KMT2E: variants seen among roughly 807,000 people sequenced by gnomAD.
The protein encoded by KMT2E is histone reader KMT2E.
In KMT2E, 30 loss-of-function variants were observed where a neutral mutation model predicts 184.6. That is an observed-to-expected ratio of 0.16 (90% CI 0.12 to 0.22). The LOEUF (loss-of-function observed/expected upper bound fraction) is 0.22, where lower values mean the gene tolerates loss of function less well. KMT2E is among the 10% of genes least tolerant of loss of function. The probability of loss-of-function intolerance (pLI) is 1.00; values close to 1 mark genes in which losing one functional copy is unlikely to be tolerated. For synonymous variants in KMT2E, 815 were observed against 776.5 expected (o/e 1.05, Z -0.82); for missense variants, 2,023 against 2,237.4 (o/e 0.90, Z 1.93).
rs542226816 is a variant in KMT2E, at chr7:105,052,661, C to T, written c.72-9503C>T. ...GCAACTTCTGCATCCTGGGTTCAAG[C>T]GATTCTCCTGCCTCAGCCTCCCAAG... On this transcript the variant is annotated intron_variant, in intron 3 of 26. Transcript: ENST00000311117. 1.8e-4 allele frequency among the ~76,000 whole-genome samples: 28 copies of T among 152,126 alleles called. No homozygotes were observed. The South Asian group carries it at 5.4e-3, about 29-fold the overall frequency.
At chr7:105,017,391 T>C (rs905294513) in intron 1 of KMT2E, among the ~76,000 whole-genome samples, 4 of 152,010 alleles carry the variant, frequency 2.6e-5, no homozygotes, top group African/African-American at 7.2e-5. Context: ...TTAGGTTTTG[T>C]TTCTTTTTGG....
intron 15 of KMT2E, among the ~76,000 whole-genome samples, chr7:105,099,045 T>G (rs962275727): frequency 3.3e-5 from 5 of 152,210 alleles, no homozygotes. Context: ...TATACATGGC[T>G]GTGTCAAAGA....
At position 105,113,033 on chromosome 7, in the gene KMT2E, ACCGTAT is replaced by A. The variant is rs1382791452; in HGVS notation, c.5280_5285del (p.Tyr1761_Pro1762del). ...CTTCGAGTGCTCATCCAACTGTACC[ACCGTAT>A]CCCTCACAAGCTACACATCATACCA... On this transcript the variant is annotated inframe_deletion, in exon 27 of 27. Transcript: ENST00000311117. The A allele has an allele frequency of 1.2e-6, 2 of 1,613,758 alleles. No individual in the cohort carries two copies. The highest frequency in any genetic ancestry group is 1.7e-5 in the Admixed American group (1 of 59,984).
chr7:105,089,861 T>C lies in KMT2E; in HGVS notation c.1359-148T>C, dbSNP rs1052449925. 2.6e-6 allele frequency: 3 copies of C among 1,172,040 alleles called. No individual in the cohort carries two copies. In the African/African-American group the frequency reaches 4.9e-5, roughly 19 times the overall value. The allele number at this position is 1,172,040 out of a possible 1,614,324, so 72.6% of individuals were successfully genotyped here. Reference sequence around the variant, plus strand: ...AATGAAAAAAATTTTTTGTGGTAGTTAACTAGGAATGTAAATTACTAAAAA... The same window carrying C: ...AATGAAAAAAATTTTTTGTGGTAGTCAACTAGGAATGTAAATTACTAAAAA... On this transcript the variant is annotated intron_variant, in intron 13 of 26. Transcript: ENST00000311117.
At chr7:105,045,131 C>T (rs1288874094) in intron 3 of KMT2E, among the ~76,000 whole-genome samples, 2 of 152,214 alleles carry the variant, frequency 1.3e-5, no homozygotes, top group Non-Finnish European at 2.9e-5. Flanking sequence ...TTTATTAATT[C>T]TTCCACCTGC....
intron 1 of KMT2E, among the ~76,000 whole-genome samples, chr7:105,018,013 G>A (rs1419137627): frequency 2.6e-5 from 4 of 152,060 alleles, no homozygotes; most frequent in Non-Finnish European, 5.9e-5. Flanking sequence ...GAGGCAGTAG[G>A]GAGAAAAGCT....
intron 1 of KMT2E, among the ~76,000 whole-genome samples, chr7:105,017,074 C>T (rs1794745491): frequency 6.6e-6 from 1 of 152,316 alleles, no homozygotes; most frequent in East Asian, 1.9e-4. Flanking sequence ...AGATCATTCA[C>T]TGCTGTGTAA....
At chr7:105,014,953 G>A (rs1794649241) in intron 1 of KMT2E, among the ~76,000 whole-genome samples, 1 of 152,166 alleles carries the variant, frequency 6.6e-6, no homozygotes, top group African/African-American at 2.4e-5. Context: ...GTGCTGAAAA[G>A]CCATATAGGC....
At chr7:105,023,966 G>C (rs1401992681) in intron 1 of KMT2E, among the ~76,000 whole-genome samples, 1 of 152,068 alleles carries the variant, frequency 6.6e-6, no homozygotes, top group Non-Finnish European at 1.5e-5. Context: ...GAAAGGTTAA[G>C]AAGGACAAGT....
chr7:105,052,138 G>T (rs2129566221), intron 3 of KMT2E, among the ~76,000 whole-genome samples: 1 of 152,206 alleles, frequency 6.6e-6, no homozygotes, highest in African/African-American at 2.4e-5. Context: ...ATGACCATAA[G>T]GCCCTCCTTC....
chr7:105,068,783 A>T (rs917534155), intron 6 of KMT2E, among the ~76,000 whole-genome samples: 24 of 151,850 alleles, frequency 1.6e-4, no homozygotes, highest in African/African-American at 4.6e-4. Context: ...CCATGTCTCT[A>T]TGTTAACTAT....
At chr7:105,063,231 T>G in intron 4 of KMT2E, 120 bp from the exon 5 acceptor site, 1 of 683,758 alleles carries the variant, frequency 1.5e-6, no homozygotes, top group Non-Finnish European at 2.4e-6. Context: ...AAGGAAGGAA[T>G]GAGCCAGTCT....
At chr7:105,081,592 G>A in intron 12 of KMT2E, 96 bp from the exon 13 acceptor site, 1 of 704,220 alleles carries the variant, frequency 1.4e-6, no homozygotes, top group South Asian at 1.6e-5. Context: ...TTGTGTTTGT[G>A]AAATAATTTG....
chr7:105,050,459 C>A (rs191792480), intron 3 of KMT2E, among the ~76,000 whole-genome samples: 2 of 152,190 alleles, frequency 1.3e-5, no homozygotes, highest in African/African-American at 4.8e-5. Context: ...TAAATATAAT[C>A]TCTGTGTGTG....
intron 3 of KMT2E, among the ~76,000 whole-genome samples, chr7:105,043,211 G>T (rs1322931038): frequency 6.7e-6 from 1 of 149,786 alleles, no homozygotes; most frequent in Non-Finnish European, 1.5e-5. Flanking sequence ...TAGATTTTCA[G>T]TTCTAACTTA....
chr7:105,073,796 T>C (rs1797425375), intron 7 of KMT2E, 119 bp downstream of exon 7: 1 of 649,226 alleles, frequency 1.5e-6, no homozygotes. Context: ...TGTTGATGAA[T>C]GTTGATTGTA....
At chr7:105,044,513 T>C (rs1460607200) in intron 3 of KMT2E, among the ~76,000 whole-genome samples, 7 of 152,208 alleles carry the variant, frequency 4.6e-5, no homozygotes, top group Admixed American at 6.5e-5. Context: ...ATAGTGACTT[T>C]AGTGGTAGAG....
At chr7:105,050,750 G>A (rs975730837) in intron 3 of KMT2E, among the ~76,000 whole-genome samples, 3 of 133,952 alleles carry the variant, frequency 2.2e-5, no homozygotes, top group Admixed American at 8.4e-5. Context: ...TCTTTCTTTC[G>A]ACAGACTCTT....
intron 11 of KMT2E, chr7:105,077,850 A>AC: frequency 6.0e-6 from 1 of 167,230 alleles, no homozygotes; most frequent in Middle Eastern, 3.2e-3. Flanking sequence ...CATAGGAGAA[A>AC]CCCCTTCCTC....
Sources: gnomAD v4.1 joint callset for allele counts (sites outside exome capture counted in the v4.1 genomes callset) on GRCh38, gnomAD v4.1.1 for gene constraint, MANE v1.5 for transcripts, NCBI Gene and HGNC (gene_info 2026-07-23, HGNC 2026-07-21) for gene names.